The following EIF2B3 variants were observed in gnomAD, a reference collection of about 807,000 sequenced individuals.
EIF2B3 encodes eukaryotic translation initiation factor 2B subunit gamma.
In EIF2B3, 20 loss-of-function variants were observed where a neutral mutation model predicts 54.1. The ratio of observed to expected loss-of-function variants is 0.37; its 90% CI spans 0.26 to 0.54. The LOEUF is 0.54. Ranked by LOEUF, EIF2B3 falls within the 20% of genes least tolerant of loss-of-function variation. EIF2B3 has a pLI of 0.86. For missense variants in EIF2B3, 448 were observed against 547.8 expected (o/e 0.82, Z 1.82); for synonymous variants, 153 against 188.1 (o/e 0.81, Z 1.52).
chr1:44,917,016 C>T (rs143987678), intron 5 of EIF2B3, among the ~76,000 whole-genome samples: 72 of 152,068 alleles, frequency 4.7e-4, no homozygotes, highest in Admixed American at 2.9e-3. Context: ...AGTCTGTGGA[C>T]GGGACATTGT....
At chr1:44,935,422 T>C (rs1202733934) in intron 4 of EIF2B3, among the ~76,000 whole-genome samples, 2 of 152,234 alleles carry the variant, frequency 1.3e-5, no homozygotes, top group East Asian at 1.9e-4. Context: ...ATATACGGTG[T>C]CACTGAAATT....
At chr1:44,854,165 G>C (rs1376879877) in intron 11 of EIF2B3, among the ~76,000 whole-genome samples, 1 of 152,054 alleles carries the variant, frequency 6.6e-6, no homozygotes, top group Non-Finnish European at 1.5e-5. Flanking sequence ...ATCACACACA[G>C]CTAATTTTTG....
intron 3 of EIF2B3, among the ~76,000 whole-genome samples, chr1:44,952,526 C>T (rs1165413151): frequency 6.6e-6 from 1 of 151,424 alleles, no homozygotes; most frequent in Non-Finnish European, 1.5e-5. Flanking sequence ...TACATTCTGC[C>T]TGTACAATAA....
chr1:44,891,320 C>G (rs916036583), intron 6 of EIF2B3, among the ~76,000 whole-genome samples: 1 of 152,086 alleles, frequency 6.6e-6, no homozygotes, highest in African/African-American at 2.4e-5. Context: ...CCAGGCTGGT[C>G]GTGAACTCCT....
At chr1:44,911,615 TA>T (rs1643516832) in intron 5 of EIF2B3, among the ~76,000 whole-genome samples, 1 of 152,242 alleles carries the variant, frequency 6.6e-6, no homozygotes, top group Non-Finnish European at 1.5e-5. Flanking sequence ...CCACAGAGGT[TA>T]AAAAGAAAAC....
intron 3 of EIF2B3, among the ~76,000 whole-genome samples, chr1:44,959,837 C>T (rs1305853802): frequency 6.6e-6 from 1 of 152,178 alleles, no homozygotes; most frequent in Admixed American, 6.5e-5. Flanking sequence ...GTATTTGTTT[C>T]AACTCTGGGC....
chr1:44,903,876 C>A (rs112765264), intron 5 of EIF2B3, among the ~76,000 whole-genome samples: 22,810 of 152,064 alleles, frequency 0.15, 1,827 homozygotes, highest in Non-Finnish European at 0.17. Context: ...GAGTTCGAGA[C>A]CAGCCTGGCC....
chr1:44,918,072 C>CTTTTT (rs3074632), intron 5 of EIF2B3, among the ~76,000 whole-genome samples: 15 of 88,628 alleles, frequency 1.7e-4, no homozygotes, highest in Non-Finnish European at 1.9e-4. Context: ...TGTGCCCAGC[C>CTTTTT]TTTTTTTTTT....
chr1:44,902,843 A>AAG (rs1034001840), intron 5 of EIF2B3, among the ~76,000 whole-genome samples: 1 of 150,250 alleles, frequency 6.7e-6, no homozygotes, highest in Non-Finnish European at 1.5e-5. Context: ...AAAAAAAAAA[A>AAG]AAAAAAAAAA....
intron 5 of EIF2B3, among the ~76,000 whole-genome samples, chr1:44,910,631 CTTTTTTT>C (rs60757270): frequency 2.1e-3 from 129 of 61,410 alleles, no homozygotes; most frequent in Non-Finnish European, 3.3e-3. Context: ...CCAAGTAATG[CTTTTTTT>C]TTTTTTTTTT....
intron 4 of EIF2B3, among the ~76,000 whole-genome samples, chr1:44,936,079 G>A (rs992432837): frequency 1.1e-4 from 16 of 151,752 alleles, no homozygotes; most frequent in Middle Eastern, 3.4e-3. Flanking sequence ...GACAATGGCT[G>A]AATAATAATG....
chr1:44,851,713 G>A (rs1654276037), intron 11 of EIF2B3, among the ~76,000 whole-genome samples: 1 of 152,136 alleles, frequency 6.6e-6, no homozygotes, highest in Non-Finnish European at 1.5e-5. Flanking sequence ...AGGCTAAAAG[G>A]ATAAACGGAG....
chr1:44,900,665 C>A (rs1243983285), intron 5 of EIF2B3, among the ~76,000 whole-genome samples: 1 of 152,010 alleles, frequency 6.6e-6, no homozygotes, highest in Non-Finnish European at 1.5e-5. Flanking sequence ...AAAAACCAAT[C>A]CCCTTTCTTA....
intron 5 of EIF2B3, chr1:44,925,129 C>A (rs1008087310): frequency 2.0e-5 from 3 of 152,068 alleles, no homozygotes; most frequent in African/African-American, 7.2e-5. Flanking sequence ...GTAGTTTCCT[C>A]AAAAAATTAA....
chr1:44,868,770 T>C (rs1654867635), intron 10 of EIF2B3, among the ~76,000 whole-genome samples: 1 of 152,210 alleles, frequency 6.6e-6, no homozygotes, highest in Admixed American at 6.5e-5. Context: ...GGTGATCAAA[T>C]GGATGAAGGC....
chr1:44,947,372 C>T (rs1269450470), intron 3 of EIF2B3, among the ~76,000 whole-genome samples: 1 of 152,100 alleles, frequency 6.6e-6, no homozygotes, highest in Non-Finnish European at 1.5e-5. Context: ...TCAGAAAACC[C>T]AATTACCAAG....
chr1:44,879,847 G>C lies in EIF2B3; in HGVS notation c.946C>G (p.Leu316Val), dbSNP rs779299307. Residue 316 changes from leucine to valine, a missense_variant, in exon 8 of 12, where the codon CTG becomes GTG. Physicochemically the swap from Leu to Val is conservative, Grantham distance 32. This residue lies in a region of EIF2B3 where 350 missense variants were observed against 414.2 expected (regional missense o/e 0.85). Coordinates refer to ENST00000360403, the MANE Select transcript of EIF2B3 (RefSeq NM_020365.5). ...KEGLCSRVST[L>V]GLYMEANRQV... The stretch of plus-strand genomic sequence containing the variant: ...CTGTTTGCTTCCATGTAGAGTCCCA[G>C]TGTGCTCACTCGAGAGCAGAGCCCC... 6.2e-7 allele frequency: 1 copy of C among 1,614,092 alleles called. No homozygotes were observed. The highest frequency in any genetic ancestry group is 1.1e-5 in the South Asian group (1 of 91,080).
intron 3 of EIF2B3, among the ~76,000 whole-genome samples, chr1:44,977,336 G>T (rs1170552730): frequency 6.6e-6 from 1 of 152,090 alleles, no homozygotes; most frequent in East Asian, 1.9e-4. Flanking sequence ...ATGAATTTTT[G>T]AACGTTCCTT....
rs965792065 is a variant in EIF2B3, at chr1:44,874,444, T to C, written c.1202+234A>G. 4 of 535,972 alleles carry C rather than the reference T, an allele frequency of 7.5e-6. No homozygotes were observed. In the East Asian group the frequency reaches 9.6e-5, roughly 13 times the overall value. 33.2% of individuals were successfully genotyped at this position (535,972 alleles called of 1,614,324 possible). ...GGATTCTTTTTGCCCTTTTTCTGAG[T>C]TGAATCTCTTGTTTCTGATCTTTCT... is the stretch of plus-strand genomic sequence containing the variant. On this transcript the variant is annotated intron_variant, in intron 10 of 11. Coordinates refer to ENST00000360403, the MANE Select transcript of EIF2B3 (RefSeq NM_020365.5).
Sources: gnomAD v4.1 joint callset for allele counts (sites outside exome capture counted in the v4.1 genomes callset) on GRCh38, gnomAD v4.1.1 for gene constraint, gnomAD v4.1.1 regional missense constraint, MANE v1.5 for transcripts, NCBI Gene and HGNC (gene_info 2026-07-23, HGNC 2026-07-21) for gene names.